The following PHKB variants were observed in gnomAD, a reference collection of about 807,000 sequenced individuals.
PHKB encodes the protein phosphorylase b kinase regulatory subunit beta.
PHKB carries 122 observed loss-of-function variants against 152.1 expected under a neutral mutation model. That is an observed-to-expected ratio of 0.80 (90% CI 0.69 to 0.93). The LOEUF is 0.93. PHKB is among the 40% of genes least tolerant of loss of function. The pLI is 0.00. For missense variants in PHKB, 1,304 were observed against 1,328.4 expected, an observed-to-expected ratio of 0.98 and a Z score of 0.29; for synonymous variants, 436 against 464.9, an observed-to-expected ratio of 0.94 and a Z score of 0.80.
intron 6 of PHKB, among the ~76,000 whole-genome samples, chr16:47,539,392 C>T (rs1971010536): frequency 6.6e-6 from 1 of 151,004 alleles, no homozygotes; most frequent in African/African-American, 2.4e-5. Context: ...AAGTTTTAGA[C>T]TTATTTAACA....
chr16:47,609,452 A>C (rs1198158717), intron 13 of PHKB, among the ~76,000 whole-genome samples: 3 of 132,778 alleles, frequency 2.3e-5, no homozygotes, highest in Admixed American at 7.7e-5. Flanking sequence ...GGGGGGGGGC[A>C]CAGTTTGTGA....
chr16:47,603,597 G>A (rs1472015412), intron 13 of PHKB, among the ~76,000 whole-genome samples: 1 of 151,018 alleles, frequency 6.6e-6, no homozygotes, highest in African/African-American at 2.4e-5. Context: ...TCTGCCTCCA[G>A]GGTTCAAGCA....
intron 14 of PHKB, among the ~76,000 whole-genome samples, chr16:47,613,135 C>T (rs1972457690): frequency 6.6e-6 from 1 of 152,188 alleles, no homozygotes; most frequent in South Asian, 2.1e-4. Flanking sequence ...GATCCCATGA[C>T]TGCCCTCAGC....
intron 14 of PHKB, among the ~76,000 whole-genome samples, chr16:47,618,370 C>T (rs1266236365): frequency 1.3e-5 from 2 of 152,110 alleles, no homozygotes; most frequent in African/African-American, 4.8e-5. Context: ...GTGCACTCTG[C>T]TCTCTGGAAC....
chr16:47,553,183 G>A lies in PHKB; in HGVS notation c.710+5635G>A, dbSNP rs146614903. On this transcript the variant is annotated intron_variant, in intron 7 of 30. Transcript: ENST00000323584. ...TTTCAGGTACACCAACCAAACATAG[G>A]TTTGGTCTTTCCACATAGTCCCATA... Among the ~76,000 whole-genome samples the A allele has an allele frequency of 2.5e-4, 38 of 152,184 alleles. No homozygotes were observed. The East Asian group carries it at 5.4e-3, about 22-fold the overall frequency.
intron 13 of PHKB, among the ~76,000 whole-genome samples, chr16:47,600,794 A>G (rs1189021966): frequency 2.6e-5 from 4 of 152,248 alleles, no homozygotes; most frequent in Non-Finnish European, 4.4e-5. Context: ...AAGATACAGT[A>G]TTGTAATCTT....
intron 10 of PHKB, chr16:47,590,749 T>C (rs1972015061): frequency 6.6e-6 from 1 of 151,710 alleles, no homozygotes; most frequent in Admixed American, 6.6e-5. Context: ...CACAGCACTG[T>C]GGGTAGGAGC....
rs188106201 is a variant in PHKB at position 47,692,345 on chromosome 16, G to A, written c.2766-1033G>A. Among the ~76,000 whole-genome samples, 60 of 152,220 alleles carry A rather than the reference G, an allele frequency of 3.9e-4. No homozygotes were observed. The East Asian group carries it at 7.3e-3, about 19-fold the overall frequency. Reference sequence around the variant, plus strand: ...AAAACGTGTATCTGGGCTGTGTGCCGTGGTTCATGCCTATAATCCCAGCAC... The same window carrying A: ...AAAACGTGTATCTGGGCTGTGTGCCATGGTTCATGCCTATAATCCCAGCAC... On this transcript the variant is annotated intron_variant, in intron 27 of 30. Transcript: ENST00000323584.
intron 25 of PHKB, among the ~76,000 whole-genome samples, chr16:47,666,577 C>G (rs1468991197): frequency 9.2e-5 from 14 of 152,254 alleles, no homozygotes; most frequent in Non-Finnish European, 1.8e-4. Flanking sequence ...GTCTCTCTCT[C>G]TGGATTCTCA....
intron 6 of PHKB, among the ~76,000 whole-genome samples, chr16:47,538,484 A>T (rs1970993922): frequency 6.6e-6 from 1 of 152,116 alleles, no homozygotes; most frequent in African/African-American, 2.4e-5. Context: ...TCTAGAAATA[A>T]CTCACACTCT....
chr16:47,666,749 C>T (rs1476133243), intron 25 of PHKB, among the ~76,000 whole-genome samples: 2 of 152,256 alleles, frequency 1.3e-5, no homozygotes, highest in South Asian at 4.1e-4. Flanking sequence ...TTGGAAAAAG[C>T]ACTTGGTGAA....
intron 26 of PHKB, among the ~76,000 whole-genome samples, chr16:47,678,317 T>C (rs1484781249): frequency 6.6e-6 from 1 of 152,240 alleles, no homozygotes; most frequent in East Asian, 1.9e-4. Flanking sequence ...ATGGTATTTC[T>C]AGTTCTAGAT....
chr16:47,575,852 G>A (rs914595081), intron 7 of PHKB, among the ~76,000 whole-genome samples: 2 of 152,128 alleles, frequency 1.3e-5, no homozygotes, highest in African/African-American at 4.8e-5. Context: ...CGAGACAGGC[G>A]GATCACCTGA....
At chr16:47,581,646 T>G (rs1971848189) in intron 8 of PHKB, among the ~76,000 whole-genome samples, 1 of 152,200 alleles carries the variant, frequency 6.6e-6, no homozygotes, top group African/African-American at 2.4e-5. Context: ...AGATTAAACT[T>G]TTAATAAATG....
chr16:47,578,989 C>CT (rs1971796672), intron 7 of PHKB, among the ~76,000 whole-genome samples: 2 of 152,046 alleles, frequency 1.3e-5, no homozygotes, highest in South Asian at 4.2e-4. Flanking sequence ...GCTCCTTTGA[C>CT]TTTAAGACTG....
chr16:47,485,604 C>T (rs962216401), intron 1 of PHKB, among the ~76,000 whole-genome samples: 4 of 152,190 alleles, frequency 2.6e-5, no homozygotes, highest in Admixed American at 1.3e-4. Context: ...AGCAACTTCA[C>T]TGCTTTCTTT....
Position 47,511,667 on chromosome 16 carries a change from C to A in PHKB, c.408C>A (p.Val136=). 1 of 1,596,720 alleles carries A rather than the reference C, an allele frequency of 6.3e-7. No homozygotes were observed. Among genetic ancestry groups the A allele is most frequent in the Non-Finnish European group, 8.6e-7 (1 of 1,164,298 alleles). The change falls in exon 5 of 31, where the codon GTC becomes GTA. Residue 136 remains valine, a splice_region_variant and synonymous_variant. Transcript: ENST00000323584. ...TTTAATTTTATATTTCATTCTAGGT[C>A]CAGCAGTTTAAGCAGGATCCACGCC... ...LYCYMRQADK[V]QQFKQDPRPT...
At chr16:47,549,955 G>C (rs371115261) in intron 7 of PHKB, among the ~76,000 whole-genome samples, 4 of 152,064 alleles carry the variant, frequency 2.6e-5, no homozygotes, top group African/African-American at 7.2e-5. Context: ...GGCCGATTTT[G>C]TTCAAATGGA....
At chr16:47,575,906 G>A (rs1567312574) in intron 7 of PHKB, among the ~76,000 whole-genome samples, 1 of 152,050 alleles carries the variant, frequency 6.6e-6, no homozygotes, top group African/African-American at 2.4e-5. Context: ...AAGAAACCCT[G>A]TCTCTACTAA....
Sources: gnomAD v4.1 joint callset for allele counts (sites outside exome capture counted in the v4.1 genomes callset) on GRCh38, gnomAD v4.1.1 for gene constraint, MANE v1.5 for transcripts, NCBI Gene and HGNC (gene_info 2026-07-23, HGNC 2026-07-21) for gene names.